TBC1D5: variants seen among roughly 807,000 people sequenced by gnomAD.
The protein encoded by TBC1D5 is TBC1 domain family, member 5.
TBC1D5 carries 75 observed loss-of-function variants against 100.3 expected under a neutral mutation model. That is an observed-to-expected ratio of 0.75 (90% confidence interval 0.62 to 0.91). The LOEUF (loss-of-function observed/expected upper bound fraction) is 0.91. Ranked by LOEUF, TBC1D5 falls within the 40% of genes least tolerant of loss-of-function variation. The pLI is 0.00. For synonymous variants in TBC1D5, 323 were observed against 325.6 expected, an observed-to-expected ratio of 0.99 and a Z score of 0.09; for missense variants, 910 against 942.4, an observed-to-expected ratio of 0.97 and a Z score of 0.45.
chr3:17,296,774 A>G lies in TBC1D5; in HGVS notation c.1139-4773T>C, dbSNP rs566949604. Among the ~76,000 whole-genome samples the G allele has an allele frequency of 4.6e-5, 7 of 152,308 alleles. No homozygotes were observed. The East Asian group carries it at 9.6e-4, about 21-fold the overall frequency. On this transcript the variant is annotated intron_variant, in intron 14 of 21. Transcript: ENST00000253692. Reference sequence around the variant, plus strand: ...CATCCTTGAAACCTAAGACCAACACATACTCTTATGTAAACACTTGGATAC... The same window carrying G: ...CATCCTTGAAACCTAAGACCAACACGTACTCTTATGTAAACACTTGGATAC...
At chr3:17,662,660 G>A (rs2066778580) in intron 1 of TBC1D5, among the ~76,000 whole-genome samples, 1 of 152,150 alleles carries the variant, frequency 6.6e-6, no homozygotes, top group Non-Finnish European at 1.5e-5. Flanking sequence ...CCTCTGATTA[G>A]CTAAAGTGCT....
At chr3:17,305,106 T>G (rs1430959878) in intron 14 of TBC1D5, among the ~76,000 whole-genome samples, 1 of 152,178 alleles carries the variant, frequency 6.6e-6, no homozygotes, top group East Asian at 1.9e-4. Context: ...GAATCCACCC[T>G]GGCAAAGGTA....
At chr3:17,616,996 C>G (rs2062223449) in intron 2 of TBC1D5, among the ~76,000 whole-genome samples, 1 of 152,196 alleles carries the variant, frequency 6.6e-6, no homozygotes, top group African/African-American at 2.4e-5. Flanking sequence ...ATGGTTTTTA[C>G]AATTTGGCAT....
chr3:17,542,250 C>T (rs953134572), intron 2 of TBC1D5, among the ~76,000 whole-genome samples: 4 of 152,256 alleles, frequency 2.6e-5, no homozygotes, highest in Admixed American at 1.3e-4. Flanking sequence ...GAGATTGCAC[C>T]ACTGCACTCC....
chr3:17,268,078 T>A (rs894450364), intron 15 of TBC1D5, among the ~76,000 whole-genome samples: 1 of 152,048 alleles, frequency 6.6e-6, no homozygotes, highest in South Asian at 2.1e-4. Flanking sequence ...GGGGAAAGTA[T>A]GTCAAGTTAG....
chr3:17,184,825 G>A (rs116347213), intron 19 of TBC1D5: 3,590 of 193,000 alleles, frequency 0.019, 120 homozygotes, highest in African/African-American at 0.075. Context: ...TTACAGCTGT[G>A]AGCCACGGCA....
rs1392745439 is a variant in TBC1D5 at position 17,228,535 on chromosome 3, C to T, written c.1588+9628G>A. Among the ~76,000 whole-genome samples the T allele has an allele frequency of 2.0e-5, 3 of 152,112 alleles. No individual in the cohort carries two copies. In the East Asian group the frequency reaches 5.8e-4, roughly 29 times the overall value. On this transcript the variant is annotated intron_variant, in intron 17 of 21. Coordinates refer to ENST00000253692, the Ensembl canonical transcript of TBC1D5. ...CTGGTAGGACACTGGCTGCACTTCT[C>T]AATGATTTCCCACAGACTTCAACTA...
At chr3:17,706,066 C>G (rs1346421444) in intron 1 of TBC1D5, 3 of 1,597,602 alleles carry the variant, frequency 1.9e-6, no homozygotes, top group African/African-American at 2.7e-5. Context: ...TACTGATTTC[C>G]CCCGACCCCA....
chr3:17,494,809 G>C (rs1055996946), intron 3 of TBC1D5, among the ~76,000 whole-genome samples: 1 of 152,204 alleles, frequency 6.6e-6, no homozygotes, highest in Non-Finnish European at 1.5e-5. Context: ...AATCATCTTA[G>C]GCAGTCTCCA....
At chr3:17,270,713 T>C (rs1047132734) in intron 15 of TBC1D5, among the ~76,000 whole-genome samples, 1 of 152,180 alleles carries the variant, frequency 6.6e-6, no homozygotes, top group African/African-American at 2.4e-5. Flanking sequence ...GAAGAGGATT[T>C]CCCAGTTTTT....
At chr3:17,331,381 A>G (rs1227516709) in intron 13 of TBC1D5, among the ~76,000 whole-genome samples, 1 of 152,168 alleles carries the variant, frequency 6.6e-6, no homozygotes, top group East Asian at 1.9e-4. Flanking sequence ...AATACACAAT[A>G]TATGACAACT....
intron 3 of TBC1D5, among the ~76,000 whole-genome samples, chr3:17,482,504 T>C (rs2095513281): frequency 6.6e-6 from 1 of 152,216 alleles, no homozygotes; most frequent in Non-Finnish European, 1.5e-5. Flanking sequence ...TGAACTGCTA[T>C]ACTTTGAAAA....
At chr3:17,478,010 A>C (rs1459819373) in intron 3 of TBC1D5, among the ~76,000 whole-genome samples, 1 of 152,242 alleles carries the variant, frequency 6.6e-6, no homozygotes, top group East Asian at 1.9e-4. Context: ...CTCTCTAGAA[A>C]TGTGATTGAA....
chr3:17,643,290 T>C lies in TBC1D5; in HGVS notation c.-100-19377A>G, dbSNP rs562087872. Among the ~76,000 whole-genome samples, 10 of 152,270 alleles carry C rather than the reference T, an allele frequency of 6.6e-5. No individual in the cohort carries two copies. In the East Asian group the frequency reaches 1.9e-3, roughly 29 times the overall value. On this transcript the variant is annotated intron_variant, in intron 1 of 21. Coordinates refer to ENST00000253692, the Ensembl canonical transcript of TBC1D5. ...TATAAGTGATGTGCCCTCTTTGGTGTATCGTATTATATCAGATGTTAATAT... is the reference window on the plus strand; with the variant it reads ...TATAAGTGATGTGCCCTCTTTGGTGCATCGTATTATATCAGATGTTAATAT...
intron 13 of TBC1D5, chr3:17,338,716 C>G (rs1486532083): frequency 6.6e-6 from 1 of 152,198 alleles, no homozygotes; most frequent in Non-Finnish European, 1.5e-5. Context: ...ATTTTGGGAA[C>G]ACTAGTATGT....
chr3:17,660,523 T>C (rs2066538772), intron 1 of TBC1D5, among the ~76,000 whole-genome samples: 1 of 152,326 alleles, frequency 6.6e-6, no homozygotes, highest in Middle Eastern at 3.4e-3. Flanking sequence ...ATGATCTAAA[T>C]GGGGCCAATA....
At chr3:17,351,660 T>C (rs1054461079) in intron 13 of TBC1D5, among the ~76,000 whole-genome samples, 5 of 152,048 alleles carry the variant, frequency 3.3e-5, no homozygotes, top group African/African-American at 9.7e-5. Flanking sequence ...CAAACCACCA[T>C]GGCACATGTA....
At chr3:17,357,644 ATAT>A (rs1483817307) in intron 13 of TBC1D5, among the ~76,000 whole-genome samples, 1 of 152,224 alleles carries the variant, frequency 6.6e-6, no homozygotes, top group Admixed American at 6.5e-5. Flanking sequence ...ATTATTTATC[ATAT>A]TATTACTTAG....
chr3:17,161,707 C>T (rs1559325800), intron 21 of TBC1D5, among the ~76,000 whole-genome samples: 1 of 152,238 alleles, frequency 6.6e-6, no homozygotes, highest in Admixed American at 6.5e-5. Context: ...AATGTGTTGT[C>T]ATGATATAGT....
Sources: allele counts gnomAD v4.1 joint callset (sites outside exome capture counted in the v4.1 genomes callset), GRCh38; gene constraint gnomAD v4.1.1; transcripts MANE v1.5; gene names NCBI Gene and HGNC (gene_info 2026-07-23, HGNC 2026-07-21).